CILK1: variants seen among roughly 807,000 people sequenced by gnomAD.
The protein encoded by CILK1 is ciliogenesis associated kinase 1, also known as serine/threonine-protein kinase ICK.
Under a neutral mutation model 79.2 loss-of-function variants are expected in CILK1, and 47 were observed. The observed-to-expected ratio is 0.59, with a 90% CI of 0.47 to 0.76. CILK1 has a LOEUF of 0.76. Among genes scored for constraint, CILK1 ranks in the 30% least tolerant of loss-of-function variants. CILK1 has a pLI of 0.00. For synonymous variants in CILK1, 266 were observed against 275.9 expected (o/e 0.96, Z 0.36); for missense variants, 660 against 769.5 (o/e 0.86, Z 1.68).
intron 5 of CILK1, among the ~76,000 whole-genome samples, chr6:53,024,000 G>A (rs1765412312): frequency 6.6e-6 from 1 of 152,202 alleles, no homozygotes; most frequent in Non-Finnish European, 1.5e-5. Context: ...CCACCACGGG[G>A]TTGCTTTTAT....
At chr6:53,037,515 A>G (rs768293960) in intron 3 of CILK1, among the ~76,000 whole-genome samples, 8 of 152,148 alleles carry the variant, frequency 5.3e-5, no homozygotes, top group Admixed American at 1.3e-4. Context: ...AGTCTGTGTG[A>G]GGCTCAACAA....
intron 3 of CILK1, among the ~76,000 whole-genome samples, chr6:53,035,501 T>G (rs562161890): frequency 2.3e-4 from 35 of 152,108 alleles, no homozygotes; most frequent in Non-Finnish European, 4.4e-4. Context: ...AAGACTATGC[T>G]TCTAAGAAAA....
rs1298054856 is a variant in CILK1, at chr6:53,019,161, T to A, written c.491+66A>T. 1.0e-5 allele frequency: 15 copies of A among 1,465,010 alleles called. No individual in the cohort carries two copies. The East Asian group carries it at 3.4e-4, about 33-fold the overall frequency. The allele number at this position is 1,465,010 out of a possible 1,614,324, so 90.8% of individuals were successfully genotyped here. On this transcript the variant is annotated intron_variant, in intron 6 of 13. Transcript: ENST00000676107. ...GTTAACATTTGTGACTTTAATATTA[T>A]CCTTAGCATAATGATATCTTTTTAA...
At chr6:53,056,279 T>G (rs1767864945) in intron 1 of CILK1, among the ~76,000 whole-genome samples, 1 of 152,030 alleles carries the variant, frequency 6.6e-6, no homozygotes, top group African/African-American at 2.4e-5. Context: ...TCAAAATGAA[T>G]TAAAGGAAGT....
intron 3 of CILK1, among the ~76,000 whole-genome samples, chr6:53,037,395 A>T (rs77143770): frequency 0.71 from 107,579 of 151,902 alleles, 38,585 homozygotes; most frequent in East Asian, 0.87. Context: ...CAAAAGAAGG[A>T]CCTCAGCAAG....
intron 5 of CILK1, among the ~76,000 whole-genome samples, chr6:53,019,885 T>C (rs1488893731): frequency 6.6e-6 from 1 of 151,746 alleles, no homozygotes; most frequent in Non-Finnish European, 1.5e-5. Context: ...TTGCCCAGGC[T>C]TGTCTTGAAC....
At chr6:53,052,189 G>A (rs1767527671) in intron 1 of CILK1, among the ~76,000 whole-genome samples, 1 of 152,166 alleles carries the variant, frequency 6.6e-6, no homozygotes, top group Non-Finnish European at 1.5e-5. Context: ...TGCTGAGGAT[G>A]ATGGCTTCCA....
chr6:53,041,471 G>GT (rs1346709122), intron 1 of CILK1, 63 bp from the exon 2 acceptor site: 1 of 485,920 alleles, frequency 2.1e-6, no homozygotes, highest in African/African-American at 2.0e-5. Context: ...ACGTGTTTTT[G>GT]TAAGTCTAAA....
intron 5 of CILK1, among the ~76,000 whole-genome samples, chr6:53,019,719 T>G (rs1445580646): frequency 6.6e-6 from 1 of 152,114 alleles, no homozygotes; most frequent in Non-Finnish European, 1.5e-5. Flanking sequence ...TAGGTTGGAG[T>G]GCAGTGGCAC....
rs765046804 is a variant in CILK1, at chr6:53,013,761, G to A, written c.1053C>T (p.Tyr351=). 3.1e-6 allele frequency: 5 copies of A among 1,614,154 alleles called. No individual in the cohort carries two copies. The Admixed American group carries it at 6.7e-5, about 22-fold the overall frequency. ...SQPPLHLTYP[Y]KAEVSRTDHP... ...GATCTGTCCTGGAGACCTCTGCTTT[G>A]TAGGGGTACGTGAGATGCAGAGGGG... Residue 351 remains tyrosine (Y), a synonymous_variant, in exon 9 of 14, where the codon TAC becomes TAT. Transcript: ENST00000676107.
intron 1 of CILK1, among the ~76,000 whole-genome samples, 182 bp downstream of exon 1, chr6:53,061,414 T>G (rs1321797814): frequency 6.6e-6 from 1 of 152,168 alleles, no homozygotes; most frequent in Non-Finnish European, 1.5e-5. Context: ...GGCTCCGAGT[T>G]TTCATACCAG....
intron 1 of CILK1, among the ~76,000 whole-genome samples, chr6:53,042,455 G>A (rs755911615): frequency 6.6e-6 from 1 of 152,212 alleles, no homozygotes; most frequent in Non-Finnish European, 1.5e-5. Context: ...AAGTTCTCCT[G>A]ATGCAGAACT....
chr6:53,050,548 G>A (rs1036336559), intron 1 of CILK1, among the ~76,000 whole-genome samples: 3 of 151,842 alleles, frequency 2.0e-5, no homozygotes, highest in Non-Finnish European at 2.9e-5. Flanking sequence ...TATATAGGCT[G>A]GGCGTGGTCG....
intron 12 of CILK1, 123 bp from the exon 13 acceptor site, chr6:53,006,560 A>G: frequency 9.0e-7 from 1 of 1,105,470 alleles, no homozygotes; most frequent in Non-Finnish European, 1.3e-6. Context: ...AAAAGAGCAA[A>G]TCATGATAAA....
chr6:53,046,396 A>G (rs1333299884), intron 1 of CILK1, among the ~76,000 whole-genome samples: 8 of 152,188 alleles, frequency 5.3e-5, no homozygotes, highest in East Asian at 1.9e-4. Context: ...AAATTGTACA[A>G]TTGGAACAAT....
chr6:53,059,180 G>A (rs1442909340), intron 1 of CILK1, among the ~76,000 whole-genome samples: 1 of 152,102 alleles, frequency 6.6e-6, no homozygotes, highest in Non-Finnish European at 1.5e-5. Flanking sequence ...CCAGTTATGG[G>A]TAGGCACTAT....
chr6:53,009,203 G>A (rs1237211995), intron 12 of CILK1, among the ~76,000 whole-genome samples: 1 of 152,210 alleles, frequency 6.6e-6, no homozygotes, highest in Non-Finnish European at 1.5e-5. Context: ...TTGAGCCAGG[G>A]ATGACTATGC....
At chr6:53,019,513 G>A (rs1001739825) in intron 5 of CILK1, among the ~76,000 whole-genome samples, 154 bp from the exon 6 acceptor site, 2 of 152,242 alleles carry the variant, frequency 1.3e-5, no homozygotes, top group African/African-American at 4.8e-5. Flanking sequence ...ATAATGTAGA[G>A]TCCTTCGAAC....
chr6:53,045,565 A>G (rs1232637167), intron 1 of CILK1, among the ~76,000 whole-genome samples: 2 of 152,218 alleles, frequency 1.3e-5, no homozygotes, highest in East Asian at 3.8e-4. Flanking sequence ...CTATAGGCCA[A>G]TGTAAGTGTT....
Sources: allele counts gnomAD v4.1 joint callset (sites outside exome capture counted in the v4.1 genomes callset), GRCh38; gene constraint gnomAD v4.1.1; transcripts MANE v1.5; gene names NCBI Gene and HGNC (gene_info 2026-07-23, HGNC 2026-07-21).